GLIS1: variants seen among roughly 807,000 people sequenced by gnomAD.
GLIS1 encodes GLIS family zinc finger 1, also known as zinc finger protein GLIS1.
GLIS1 carries 24 observed loss-of-function variants against 63.8 expected under a neutral mutation model. That is an observed-to-expected ratio of 0.38 (90% CI 0.27 to 0.53). The LOEUF is 0.53. Ranked by LOEUF, GLIS1 falls within the 20% of genes least tolerant of loss-of-function variation. The pLI is 0.85. For synonymous variants in GLIS1, 450 were observed against 482.5 expected, an observed-to-expected ratio of 0.93 and a Z score of 0.88; for missense variants, 1,036 against 1,074.1, an observed-to-expected ratio of 0.96 and a Z score of 0.50.
intron 2 of GLIS1, among the ~76,000 whole-genome samples, chr1:53,617,056 T>TAGAG (rs1350145951): frequency 2.0e-5 from 3 of 151,788 alleles, no homozygotes; most frequent in Admixed American, 2.0e-4. Context: ...CCAGAGGGCC[T>TAGAG]AGAGCCAGCC....
chr1:53,647,512 C>T (rs1432363746), intron 2 of GLIS1, among the ~76,000 whole-genome samples: 2 of 152,172 alleles, frequency 1.3e-5, no homozygotes, highest in African/African-American at 4.8e-5. Context: ...AAAAAAGAAA[C>T]TTGACACCTT....
chr1:53,704,379 G>T lies in GLIS1; in HGVS notation c.259+33427C>A, dbSNP rs551776162. On this transcript the variant is annotated intron_variant, in intron 2 of 10. Transcript: ENST00000628545. ...TGAAGAAATCAGGGCAAAGAGAGGG[G>T]AAGTAACTTACCCAAGGACACACAG... 2.2e-3 allele frequency among the ~76,000 whole-genome samples: 332 copies of T among 152,364 alleles called. 2 individuals carry two copies. Among genetic ancestry groups the T allele is most frequent in the African/African-American group, 7.5e-3 (311 of 41,582 alleles).
intron 4 of GLIS1, among the ~76,000 whole-genome samples, chr1:53,532,682 C>T (rs979180681): frequency 2.6e-5 from 4 of 152,232 alleles, no homozygotes; most frequent in African/African-American, 9.6e-5. Flanking sequence ...CCTTTGTTCC[C>T]CTCTGGCCCA....
chr1:53,564,595 A>G (rs928319524), intron 4 of GLIS1, among the ~76,000 whole-genome samples: 4 of 152,128 alleles, frequency 2.6e-5, no homozygotes, highest in Non-Finnish European at 4.4e-5. Flanking sequence ...ATTACAATAA[A>G]CACATCTAAA....
At chr1:53,510,808 G>A (rs1644291586) in intron 8 of GLIS1, among the ~76,000 whole-genome samples, 1 of 152,162 alleles carries the variant, frequency 6.6e-6, no homozygotes, top group Admixed American at 6.5e-5. Flanking sequence ...GGAACCTTCC[G>A]TTTCCAGCCC....
chr1:53,587,163 T>C (rs1645144561), intron 4 of GLIS1, among the ~76,000 whole-genome samples: 1 of 152,100 alleles, frequency 6.6e-6, no homozygotes, highest in African/African-American at 2.4e-5. Context: ...TCTCTAGGAA[T>C]TCAGGAGGAG....
At chr1:53,657,808 T>A (rs1645983137) in intron 2 of GLIS1, among the ~76,000 whole-genome samples, 1 of 152,174 alleles carries the variant, frequency 6.6e-6, no homozygotes, top group Non-Finnish European at 1.5e-5. Context: ...CTCAAAAAAT[T>A]GTGAGATCTG....
In GLIS1 at chr1:53,639,390, G is replaced by A. The variant is rs11206184; in HGVS notation, c.260-39112C>T. On this transcript the variant is annotated intron_variant, in intron 2 of 10. Transcript: ENST00000628545. The surrounding 1 kb of genome is among the most constrained non-coding windows in gnomAD (Gnocchi z 4.6). Reference sequence around the variant, plus strand: ...ATTGGCCCGCAGGGTGGCAGCAGCCGTCTGGGAGGCTGGACTGAGCCGCCA... The same window carrying A: ...ATTGGCCCGCAGGGTGGCAGCAGCCATCTGGGAGGCTGGACTGAGCCGCCA... Among the ~76,000 whole-genome samples the A allele has an allele frequency of 0.047, 7,195 of 152,106 alleles. 458 individuals carry two copies. The highest frequency in any genetic ancestry group is 0.15 in the African/African-American group (6,018 of 41,454).
chr1:53,708,853 C>T (rs1164145724), intron 2 of GLIS1, among the ~76,000 whole-genome samples: 1 of 152,156 alleles, frequency 6.6e-6, no homozygotes, highest in East Asian at 1.9e-4. Context: ...ATACCTGTCT[C>T]ACCTCCAACA....
intron 2 of GLIS1, among the ~76,000 whole-genome samples, chr1:53,602,050 G>A (rs764112311): frequency 7.2e-5 from 11 of 152,164 alleles, no homozygotes; most frequent in African/African-American, 2.7e-4. Flanking sequence ...GAGAGGACTC[G>A]GCAAACATCT....
chr1:53,728,396 T>C (rs1351874929), intron 2 of GLIS1, among the ~76,000 whole-genome samples: 6 of 152,186 alleles, frequency 3.9e-5, no homozygotes, highest in African/African-American at 1.2e-4. Context: ...TAAGCACTTA[T>C]ACATGTGTTA....
intron 4 of GLIS1, among the ~76,000 whole-genome samples, chr1:53,548,300 C>T (rs1644724922): frequency 6.6e-6 from 1 of 152,242 alleles, no homozygotes. Flanking sequence ...GCATGCACAT[C>T]TCTAACGGGA....
chr1:53,726,442 G>C (rs1470367755), intron 2 of GLIS1, among the ~76,000 whole-genome samples: 1 of 152,190 alleles, frequency 6.6e-6, no homozygotes, highest in Non-Finnish European at 1.5e-5. Flanking sequence ...TTACTGCAGG[G>C]CCAGGCAGGC....
chr1:53,687,721 G>A (rs945284711), intron 2 of GLIS1, among the ~76,000 whole-genome samples: 1 of 152,180 alleles, frequency 6.6e-6, no homozygotes, highest in African/African-American at 2.4e-5. Flanking sequence ...CCTTCACGAA[G>A]GGACGGACAG....
At chr1:53,607,227 T>C (rs749405432) in intron 2 of GLIS1, among the ~76,000 whole-genome samples, 2 of 152,252 alleles carry the variant, frequency 1.3e-5, no homozygotes, top group African/African-American at 2.4e-5. Context: ...TATGCATCTA[T>C]ATACATTTTT....
Position 53,686,590 on chromosome 1 carries a change from G to A in GLIS1, c.259+51216C>T, listed in dbSNP as rs549799423. Among the ~76,000 whole-genome samples, 8 of 152,272 alleles carry A rather than the reference G, an allele frequency of 5.3e-5. No homozygotes were observed. The East Asian group carries it at 7.7e-4, about 15-fold the overall frequency. On this transcript the variant is annotated intron_variant, in intron 2 of 10. Transcript: ENST00000628545. ...CTCACAGACTGTGGGGGGAGGCAGC[G>A]AGGGAAGCAGATAAACTGGAATGCA...
chr1:53,667,926 T>C (rs1479979000), intron 2 of GLIS1, among the ~76,000 whole-genome samples: 1 of 152,178 alleles, frequency 6.6e-6, no homozygotes, highest in Non-Finnish European at 1.5e-5. Context: ...GCTTCAATAG[T>C]TCTCTACTGC....
intron 4 of GLIS1, among the ~76,000 whole-genome samples, chr1:53,548,333 G>C (rs1036290144): frequency 2.6e-5 from 4 of 152,208 alleles, no homozygotes; most frequent in Non-Finnish European, 5.9e-5. Context: ...ACACAGCACT[G>C]AGTGAGGCTT....
chr1:53,738,105 T>C lies in GLIS1; in HGVS notation c.-41A>G. ...CGCACGGCTGGGGGTCGCGCCGGGC[T>C]CCTGGGGAGGGGAGACAGCACAGCC... On this transcript the variant is annotated splice_region_variant and 5_prime_UTR_variant, in exon 2 of 11. Transcript: ENST00000628545. 1 of 1,225,866 alleles carries C rather than the reference T, an allele frequency of 8.2e-7. No individual in the cohort carries two copies. The highest frequency in any genetic ancestry group is 1.0e-6 in the Non-Finnish European group (1 of 983,330). 75.9% of individuals were successfully genotyped at this position (1,225,866 alleles called of 1,614,324 possible).
Sources: allele counts gnomAD v4.1 joint callset (sites outside exome capture counted in the v4.1 genomes callset), GRCh38; gene constraint gnomAD v4.1.1; non-coding constraint Gnocchi (gnomAD v3.1); transcripts MANE v1.5; gene names NCBI Gene and HGNC (gene_info 2026-07-23, HGNC 2026-07-21).